Variants in NEK11 observed in about 807,000 individuals in gnomAD.
The protein encoded by NEK11 is NIMA related kinase 11.
Under a neutral mutation model 80.7 loss-of-function variants are expected in NEK11, and 72 were observed. The observed-to-expected ratio is 0.89, with a 90% CI of 0.74 to 1.08. The LOEUF (loss-of-function observed/expected upper bound fraction) is 1.08. NEK11 is among the 50% of genes least tolerant of loss of function. The probability of loss-of-function intolerance (pLI) is 0.00; values close to 1 mark genes in which losing one functional copy is unlikely to be tolerated. For missense variants in NEK11, 764 were observed against 763.6 expected (o/e 1.00, Z -0.01); for synonymous variants, 251 against 260.7 (o/e 0.96, Z 0.36).
chr3:131,120,877 A>G lies in NEK11; in HGVS notation c.455+10956A>G, dbSNP rs143167439. Among the ~76,000 whole-genome samples, 731 of 152,228 alleles carry G rather than the reference A, an allele frequency of 4.8e-3. 10 individuals are homozygous for G. The highest frequency in any genetic ancestry group is 0.017 in the African/African-American group (686 of 41,536). ...TGCTGTTTATTCTAGTTAGCCATTC[A>G]TCTAATCTTATTTCAAGGTTTTCAT... On this transcript the variant is annotated intron_variant, in intron 5 of 17. Transcript: ENST00000383366.
chr3:131,346,258 T>G (rs2110515518), intron 17 of NEK11, among the ~76,000 whole-genome samples: 1 of 152,326 alleles, frequency 6.6e-6, no homozygotes, highest in African/African-American at 2.4e-5. Flanking sequence ...TAGTAACCAT[T>G]TTATTATCTA....
chr3:131,244,091 G>C (rs1161620658), intron 16 of NEK11, among the ~76,000 whole-genome samples: 1 of 151,566 alleles, frequency 6.6e-6, no homozygotes, highest in East Asian at 1.9e-4. Context: ...GATGAAAAGG[G>C]CTGAGATATT....
intron 4 of NEK11, among the ~76,000 whole-genome samples, chr3:131,082,509 A>G (rs1441660853): frequency 5.3e-5 from 8 of 152,232 alleles, no homozygotes; most frequent in African/African-American, 1.4e-4. Context: ...GCTGTCTAAT[A>G]TAGTAGTCGC....
chr3:131,205,213 GC>G (rs2094408464), intron 14 of NEK11, among the ~76,000 whole-genome samples: 1 of 152,158 alleles, frequency 6.6e-6, no homozygotes, highest in Admixed American at 6.5e-5. Flanking sequence ...AATGGATAGG[GC>G]TAGATCAAAT....
At chr3:131,227,731 G>A (rs2095239656) in intron 14 of NEK11, among the ~76,000 whole-genome samples, 1 of 152,028 alleles carries the variant, frequency 6.6e-6, no homozygotes, top group Non-Finnish European at 1.5e-5. Context: ...AGTTGTTTGG[G>A]TAGTTCTTTA....
intron 14 of NEK11, among the ~76,000 whole-genome samples, chr3:131,217,950 GA>G (rs1371076159): frequency 6.6e-6 from 1 of 152,084 alleles, no homozygotes; most frequent in Non-Finnish European, 1.5e-5. Flanking sequence ...CCTCCAGAGA[GA>G]AAAAAATTTA....
At chr3:131,058,383 G>T (rs1486816569) in intron 3 of NEK11, among the ~76,000 whole-genome samples, 1 of 152,180 alleles carries the variant, frequency 6.6e-6, no homozygotes, top group East Asian at 1.9e-4. Context: ...CTCTTTTTTG[G>T]TTCCATATGA....
chr3:131,179,033 A>G (rs59258890), intron 14 of NEK11, among the ~76,000 whole-genome samples: 31,949 of 152,116 alleles, frequency 0.21, 3,661 homozygotes, highest in African/African-American at 0.31. Flanking sequence ...TTAAGAGGCA[A>G]TTCACTCATG....
At chr3:131,056,334 C>T (rs1466845062) in intron 3 of NEK11, among the ~76,000 whole-genome samples, 1 of 152,192 alleles carries the variant, frequency 6.6e-6, no homozygotes, top group African/African-American at 2.4e-5. Flanking sequence ...TAGGTGTTTT[C>T]AGAGAGACTG....
intron 16 of NEK11, among the ~76,000 whole-genome samples, chr3:131,269,403 AC>A (rs552546397): frequency 1.4e-3 from 212 of 152,266 alleles, no homozygotes; most frequent in African/African-American, 4.9e-3. Flanking sequence ...TGGCATAGGC[AC>A]CCGAGGGAAT....
intron 5 of NEK11, among the ~76,000 whole-genome samples, chr3:131,117,125 C>G (rs1208320573): frequency 6.6e-6 from 1 of 152,138 alleles, no homozygotes; most frequent in African/African-American, 2.4e-5. Context: ...ACAGTTAAGT[C>G]TTTAATCCAT....
In NEK11 at chr3:131,168,875, G is replaced by A. The variant is rs761306341; in HGVS notation, c.1222G>A (p.Glu408Lys). Residue 408 changes from glutamate (E) to lysine (K), a missense_variant, in exon 13 of 18, where the codon GAG (glutamate) becomes AAG (lysine). Transcript: ENST00000383366. Reference sequence around the variant, plus strand: ...AATGGAAGAAAAGGAGGAGCAACCTGAGGGAAGACTTTCTTGTTCACCCCA... The same window carrying A: ...AATGGAAGAAAAGGAGGAGCAACCTAAGGGAAGACTTTCTTGTTCACCCCA... ...KGMEEKEEQP[E>K]GRLSCSPQDE... 4.5e-5 allele frequency: 73 copies of A among 1,613,938 alleles called. No homozygotes were observed. Among genetic ancestry groups the A allele is most frequent in the Admixed American group, 8.3e-5 (5 of 59,996 alleles).
In NEK11 at chr3:131,243,505, G is replaced by A; in HGVS notation, c.1621+9G>A. ...GGGTTGCACTTCTCTAGGTGAGTAAGTTCCTTTAGGCTTCAAAATACATTG... is the reference window on the plus strand; with the variant it reads ...GGGTTGCACTTCTCTAGGTGAGTAAATTCCTTTAGGCTTCAAAATACATTG... On this transcript the variant is annotated intron_variant, in intron 16 of 17. Transcript: ENST00000383366. The A allele has an allele frequency of 3.1e-6, 5 of 1,609,342 alleles. No individual in the cohort carries two copies. Among genetic ancestry groups the A allele is most frequent in the Non-Finnish European group, 4.3e-6 (5 of 1,176,318 alleles).
intron 4 of NEK11, among the ~76,000 whole-genome samples, chr3:131,098,418 C>T (rs1398766000): frequency 6.6e-6 from 1 of 152,094 alleles, no homozygotes; most frequent in Non-Finnish European, 1.5e-5. Context: ...TGTTTTTTGA[C>T]TTTTTAAAAA....
At chr3:131,279,953 C>A (rs1368365818) in intron 17 of NEK11, among the ~76,000 whole-genome samples, 1 of 152,168 alleles carries the variant, frequency 6.6e-6, no homozygotes, top group Non-Finnish European at 1.5e-5. Flanking sequence ...CTGCTGGTTT[C>A]CCTGTCAGAC....
At chr3:131,059,295 T>C (rs2070333666) in intron 3 of NEK11, among the ~76,000 whole-genome samples, 1 of 152,198 alleles carries the variant, frequency 6.6e-6, no homozygotes. Flanking sequence ...CCCATCAAAT[T>C]GTATACATTA....
At chr3:131,089,994 A>C in intron 4 of NEK11, among the ~76,000 whole-genome samples, 1 of 152,194 alleles carries the variant, frequency 6.6e-6, no homozygotes, top group East Asian at 1.9e-4. Context: ...AGTTCCTTTT[A>C]GCCTTAAACA....
At chr3:131,052,134 G>GTTTTTTTT (rs34528776) in intron 3 of NEK11, among the ~76,000 whole-genome samples, 7 of 127,196 alleles carry the variant, frequency 5.5e-5, no homozygotes, top group Non-Finnish European at 6.8e-5. Flanking sequence ...GGTTTTTTTT[G>GTTTTTTTT]TTTTTTTTTT....
At chr3:131,027,592 A>G (rs2064074662) in intron 1 of NEK11, 1 of 152,232 alleles carries the variant, frequency 6.6e-6, no homozygotes, top group Non-Finnish European at 1.5e-5. Flanking sequence ...GAAATAAAGA[A>G]GATGTGTTCG....
Sources: gnomAD v4.1 joint callset for allele counts (sites outside exome capture counted in the v4.1 genomes callset) on GRCh38, gnomAD v4.1.1 for gene constraint, MANE v1.5 for transcripts, NCBI Gene and HGNC (gene_info 2026-07-23, HGNC 2026-07-21) for gene names.